GRIA3: variants seen among roughly 807,000 people sequenced by gnomAD.
The protein encoded by GRIA3 is glutamate ionotropic receptor AMPA type subunit 3.
In GRIA3, 3 loss-of-function variants were observed where a neutral mutation model predicts 63.0. The ratio of observed to expected loss-of-function variants is 0.05; its 90% CI spans 0.02 to 0.12. The LOEUF (loss-of-function observed/expected upper bound fraction) is 0.12. Ranked by LOEUF, GRIA3 falls within the 10% of genes least tolerant of loss-of-function variation. The pLI is 1.00. For synonymous variants in GRIA3, 274 were observed against 257.9 expected, an observed-to-expected ratio of 1.06 and a Z score of -0.60; for missense variants, 347 against 700.9, an observed-to-expected ratio of 0.50 and a Z score of 5.70.
intron 12 of GRIA3, among the ~76,000 whole-genome samples, chrX:123,453,019 G>A (rs990576982): frequency 2.7e-5 from 3 of 112,244 alleles, no homozygotes; most frequent in African/African-American, 6.5e-5. Flanking sequence ...AATACCATTT[G>A]AGCCAGCCAT....
intron 3 of GRIA3, among the ~76,000 whole-genome samples, chrX:123,299,579 G>T (rs2044707514): frequency 9.0e-6 from 1 of 111,688 alleles, no homozygotes; most frequent in Non-Finnish European, 1.9e-5. Flanking sequence ...CATGGATTTT[G>T]TATCCTGAGA....
At chrX:123,249,325 G>T (rs2044376633) in intron 2 of GRIA3, among the ~76,000 whole-genome samples, 1 of 112,107 alleles carries the variant, frequency 8.9e-6, no homozygotes, top group African/African-American at 3.2e-5. Context: ...TGAGAAACAA[G>T]TGAATAAAAA....
intron 7 of GRIA3, among the ~76,000 whole-genome samples, chrX:123,402,414 T>C (rs1373539677): frequency 9.1e-6 from 1 of 109,394 alleles, no homozygotes; most frequent in African/African-American, 3.3e-5. Flanking sequence ...TATATATATA[T>C]ATCTTCTCTA....
intron 9 of GRIA3, among the ~76,000 whole-genome samples, chrX:123,403,810 A>C (rs1457270954): frequency 9.0e-6 from 1 of 111,231 alleles, no homozygotes; most frequent in Non-Finnish European, 1.9e-5. Context: ...TGGACTTGAA[A>C]CCTAATTCTT....
intron 5 of GRIA3, among the ~76,000 whole-genome samples, chrX:123,386,855 C>G (rs2045357315): frequency 8.9e-6 from 1 of 111,745 alleles, no homozygotes; most frequent in East Asian, 2.8e-4. Context: ...ATTTTGATTA[C>G]TATAGCCTGG....
At chrX:123,244,521 A>G (rs1004074263) in intron 2 of GRIA3, among the ~76,000 whole-genome samples, 1 of 112,839 alleles carries the variant, frequency 8.9e-6, no homozygotes. Context: ...TTCTACTGCT[A>G]AAGTAACTCC....
chrX:123,402,460 G>A (rs1472407733), intron 7 of GRIA3, among the ~76,000 whole-genome samples: 1 of 109,259 alleles, frequency 9.2e-6, no homozygotes, highest in Non-Finnish European at 1.9e-5. Context: ...GATACTACTA[G>A]GATTTTCAAT....
At chrX:123,226,073 C>G (rs1348415036) in intron 2 of GRIA3, among the ~76,000 whole-genome samples, 1 of 111,405 alleles carries the variant, frequency 9.0e-6, no homozygotes, top group Non-Finnish European at 1.9e-5. Context: ...CACTTATAGT[C>G]TTTTTCCTTT....
At chrX:123,235,447 T>C (rs2044296784) in intron 2 of GRIA3, among the ~76,000 whole-genome samples, 1 of 111,439 alleles carries the variant, frequency 9.0e-6, no homozygotes, top group Admixed American at 9.6e-5. Flanking sequence ...AAAAGCACAA[T>C]AAAAACCTCA....
chrX:123,203,833 C>A (rs5909974), intron 2 of GRIA3, among the ~76,000 whole-genome samples: 25,582 of 111,013 alleles, frequency 0.23, 2,511 homozygotes, highest in Non-Finnish European at 0.31. Flanking sequence ...TCTGGTTCTG[C>A]CATTTCTGTG....
At chrX:123,375,186 G>T (rs915204116) in intron 5 of GRIA3, among the ~76,000 whole-genome samples, 1 of 111,823 alleles carries the variant, frequency 8.9e-6, no homozygotes, top group African/African-American at 3.2e-5. Flanking sequence ...ACCATCTATT[G>T]AAATGATCAT....
At chrX:123,417,001 C>T (rs2045540041) in intron 10 of GRIA3, among the ~76,000 whole-genome samples, 1 of 111,948 alleles carries the variant, frequency 8.9e-6, no homozygotes, top group Non-Finnish European at 1.9e-5. Context: ...TATGCCTGCT[C>T]CACAAGAATT....
chrX:123,254,931 C>G (rs1352422908), intron 3 of GRIA3, among the ~76,000 whole-genome samples: 5 of 111,413 alleles, frequency 4.5e-5, no homozygotes, highest in African/African-American at 1.6e-4. Context: ...CACTTTGTAT[C>G]TTGCTACTAA....
chrX:123,332,615 C>T (rs367944173), intron 4 of GRIA3, among the ~76,000 whole-genome samples: 10 of 111,022 alleles, frequency 9.0e-5, no homozygotes, highest in African/African-American at 3.3e-4. Context: ...TAGATTCAAC[C>T]GGAAGTCATC....
At chrX:123,463,574 GGA>G (rs1352167162) in intron 12 of GRIA3, among the ~76,000 whole-genome samples, 10 of 30,305 alleles carry the variant, frequency 3.3e-4, no homozygotes, top group East Asian at 1.3e-3. Flanking sequence ...AAGGAAGGAA[GGA>G]AGGGAGGGAG....
chrX:123,468,366 G>C (rs2045845438), intron 13 of GRIA3, among the ~76,000 whole-genome samples: 2 of 111,529 alleles, frequency 1.8e-5, no homozygotes, highest in Admixed American at 1.9e-4. Flanking sequence ...TTAATAATTT[G>C]TGATAAACTA....
chrX:123,430,048 C>A (rs894716224), intron 12 of GRIA3, among the ~76,000 whole-genome samples: 3 of 111,864 alleles, frequency 2.7e-5, no homozygotes, highest in Non-Finnish European at 5.6e-5. Flanking sequence ...CCCACTTATT[C>A]TGTGTCTTTC....
intron 12 of GRIA3, among the ~76,000 whole-genome samples, chrX:123,450,782 CA>C (rs1308921473): frequency 3.6e-5 from 4 of 112,050 alleles, no homozygotes; most frequent in Non-Finnish European, 5.6e-5. Context: ...GGTGAAGAGA[CA>C]AAATGTTGGT....
At position 123,352,398 on chromosome X, in the gene GRIA3, A is replaced by G. The variant is rs2045102379; in HGVS notation, c.697-2512A>G. On this transcript the variant is annotated intron_variant, in intron 4 of 15. Transcript: ENST00000620443. ...CCCAGCCTCAAACACTTTTGGAGAC[A>G]TTATCCAGTTTGATCCCAGCAACAC... Among the ~76,000 whole-genome samples, 3 of 112,682 alleles carry G rather than the reference A, an allele frequency of 2.7e-5. No individual in the cohort carries two copies. In the South Asian group the frequency reaches 1.1e-3, roughly 42 times the overall value.
Sources: gnomAD v4.1 joint callset for allele counts (sites outside exome capture counted in the v4.1 genomes callset) on GRCh38, gnomAD v4.1.1 for gene constraint, MANE v1.5 for transcripts, NCBI Gene and HGNC (gene_info 2026-07-23, HGNC 2026-07-21) for gene names.